DOCK9: variants seen among roughly 807,000 people sequenced by gnomAD.
DOCK9 encodes the protein dedicator of cytokinesis 9.
In DOCK9, 89 loss-of-function variants were observed where a neutral mutation model predicts 263.3. The observed-to-expected ratio is 0.34, with a 90% CI of 0.28 to 0.40. The LOEUF (loss-of-function observed/expected upper bound fraction) is 0.40. Ranked by LOEUF, DOCK9 falls within the 10% of genes least tolerant of loss-of-function variation. DOCK9 has a pLI of 1.00. For missense variants in DOCK9, 2,140 were observed against 2,603.4 expected (o/e 0.82, Z 3.87); for synonymous variants, 976 against 973.1 (o/e 1.00, Z -0.06).
At chr13:99,008,237 T>TTTTTTC (rs1883813268) in intron 1 of DOCK9, among the ~76,000 whole-genome samples, 6 of 128,298 alleles carry the variant, frequency 4.7e-5, no homozygotes, top group African/African-American at 1.9e-4. Context: ...TATATATATT[T>TTTTTTC]TTTTTTTTTT....
intron 39 of DOCK9, among the ~76,000 whole-genome samples, chr13:98,834,116 T>C (rs1237375845): frequency 6.6e-6 from 1 of 152,240 alleles, no homozygotes; most frequent in African/African-American, 2.4e-5. Flanking sequence ...TGTCTTGGAT[T>C]CAGGTTTGAC....
At chr13:98,930,706 G>A (rs553674947) in intron 2 of DOCK9, among the ~76,000 whole-genome samples, 266 of 152,008 alleles carry the variant, frequency 1.7e-3, no homozygotes, top group Non-Finnish European at 3.1e-3. Context: ...GTGCAATGGC[G>A]GGATCTCGGC....
chr13:98,883,996 G>C, intron 21 of DOCK9, 97 bp from the exon 22 acceptor site: 1 of 852,754 alleles, frequency 1.2e-6, no homozygotes, highest in East Asian at 2.7e-5. Context: ...CTGAAAGAGG[G>C]CCCAGAGAAC....
chr13:98,957,350 C>T (rs1427921540), intron 1 of DOCK9, among the ~76,000 whole-genome samples: 2 of 152,144 alleles, frequency 1.3e-5, no homozygotes, highest in African/African-American at 2.4e-5. Flanking sequence ...CATATACATG[C>T]TCATATTTAA....
intron 2 of DOCK9, among the ~76,000 whole-genome samples, chr13:98,946,795 C>T (rs1464892792): frequency 6.6e-6 from 1 of 152,154 alleles, no homozygotes; most frequent in Non-Finnish European, 1.5e-5. Context: ...CACTTCTTTA[C>T]CCCTTCCTGG....
intron 2 of DOCK9, among the ~76,000 whole-genome samples, chr13:98,931,391 C>T (rs780940835): frequency 5.3e-5 from 8 of 152,098 alleles, no homozygotes; most frequent in South Asian, 2.1e-4. Context: ...CTCCGCCTCC[C>T]GGGTTCACGC....
At chr13:99,056,448 A>G (rs1445620681) in intron 1 of DOCK9, among the ~76,000 whole-genome samples, 1 of 152,256 alleles carries the variant, frequency 6.6e-6, no homozygotes, top group African/African-American at 2.4e-5. Context: ...TTTAAAAAAG[A>G]TAAGTAATAT....
intron 15 of DOCK9, among the ~76,000 whole-genome samples, chr13:98,892,348 C>T (rs1304668327): frequency 2.6e-5 from 4 of 152,202 alleles, no homozygotes; most frequent in Non-Finnish European, 5.9e-5. Context: ...AGTGTTTCTG[C>T]AGCCGGTCTT....
intron 1 of DOCK9, among the ~76,000 whole-genome samples, chr13:99,033,527 T>C (rs556653755): frequency 1.8e-4 from 28 of 152,228 alleles, no homozygotes; most frequent in Non-Finnish European, 3.1e-4. Context: ...TTTTCCATGT[T>C]GTAGACACTG....
At chr13:99,011,730 TAAGTA>T (rs149707470) in intron 1 of DOCK9, among the ~76,000 whole-genome samples, 22,482 of 152,136 alleles carry the variant, frequency 0.15, 2,359 homozygotes, top group East Asian at 0.42. Flanking sequence ...ACAGAGTGGT[TAAGTA>T]AATTACCCAA....
chr13:98,832,046 C>A, intron 39 of DOCK9: 1 of 401,830 alleles, frequency 2.5e-6, no homozygotes, highest in Non-Finnish European at 4.4e-6. Context: ...GACTGGGCTT[C>A]TATTTATTAA....
Position 98,841,714 on chromosome 13 carries a change from T to C in DOCK9, c.4199-4105A>G, listed in dbSNP as rs1426701588. On this transcript the variant is annotated intron_variant, in intron 38 of 52. Transcript: ENST00000682017. Reference sequence around the variant, plus strand: ...TCGGCTCACTGTAACCTCCACCTCCTGGGTTCAAGCAATTCTCCTGCCTCA... The same window carrying C: ...TCGGCTCACTGTAACCTCCACCTCCCGGGTTCAAGCAATTCTCCTGCCTCA... 3.3e-5 allele frequency among the ~76,000 whole-genome samples: 5 copies of C among 150,662 alleles called. No homozygotes were observed. The South Asian group carries it at 1.1e-3, about 32-fold the overall frequency.
At position 98,825,515 on chromosome 13, in the gene DOCK9, G is replaced by A. The variant is rs2092489381; in HGVS notation, c.5024-1011C>T. 6.6e-6 allele frequency among the ~76,000 whole-genome samples: 1 copy of A among 152,114 alleles called. No individual in the cohort carries two copies. The highest frequency in any genetic ancestry group is 2.4e-5 in the African/African-American group (1 of 41,418). On this transcript the variant is annotated intron_variant, in intron 44 of 52. Coordinates refer to ENST00000682017, the MANE Select transcript of DOCK9 (RefSeq NM_001366683.2). This position sits in a 1 kb window ranked among gnomAD's most constrained non-coding sequence, Gnocchi z 4.1. ...TTATCCAGCATCTGCCACTATCCCA[G>A]TTTAGTTTTTATTTTGTTATATGGA...
chr13:99,053,245 T>C (rs76455177), intron 1 of DOCK9, among the ~76,000 whole-genome samples: 4,098 of 152,312 alleles, frequency 0.027, 89 homozygotes, highest in Middle Eastern at 0.044. Context: ...TTCAAGAGCT[T>C]TGTTAAATGA....
At chr13:98,818,994 C>T (rs933703550) in intron 45 of DOCK9, among the ~76,000 whole-genome samples, 1 of 152,208 alleles carries the variant, frequency 6.6e-6, no homozygotes, top group Non-Finnish European at 1.5e-5. Flanking sequence ...ATCGGTATTA[C>T]CTACCATTTG....
intron 3 of DOCK9, among the ~76,000 whole-genome samples, chr13:98,927,314 CCAGT>C (rs2053128136): frequency 1.3e-5 from 2 of 152,162 alleles, no homozygotes; most frequent in African/African-American, 2.4e-5. Flanking sequence ...CATTCCAAAA[CCAGT>C]CAGATTTCAG....
intron 1 of DOCK9, among the ~76,000 whole-genome samples, chr13:99,029,513 T>C (rs1482855792): frequency 6.6e-6 from 1 of 152,206 alleles, no homozygotes; most frequent in Non-Finnish European, 1.5e-5. Context: ...CATTAGGTTA[T>C]AAACAATTTT....
chr13:98,974,300 A>G (rs2060009087), intron 1 of DOCK9, among the ~76,000 whole-genome samples: 1 of 152,158 alleles, frequency 6.6e-6, no homozygotes, highest in African/African-American at 2.4e-5. Flanking sequence ...TGGGGTTGGC[A>G]GTAAGCCTGG....
At chr13:98,984,056 T>G (rs1567170922) in intron 1 of DOCK9, among the ~76,000 whole-genome samples, 1 of 152,210 alleles carries the variant, frequency 6.6e-6, no homozygotes, top group African/African-American at 2.4e-5. Flanking sequence ...CCTCTAAAAT[T>G]ACATATGAAA....
Sources: allele counts gnomAD v4.1 joint callset (sites outside exome capture counted in the v4.1 genomes callset), GRCh38; gene constraint gnomAD v4.1.1; non-coding constraint Gnocchi (gnomAD v3.1); transcripts MANE v1.5; gene names NCBI Gene and HGNC (gene_info 2026-07-23, HGNC 2026-07-21).